The following TG variants were observed in gnomAD, a reference collection of about 807,000 sequenced individuals.
The protein encoded by TG is thyroglobulin, also known as thyroid hormones.
In TG, 270 loss-of-function variants were observed where a neutral mutation model predicts 324.7. That is an observed-to-expected ratio of 0.83 (90% CI 0.75 to 0.92). The LOEUF (loss-of-function observed/expected upper bound fraction) is 0.92. TG is among the 40% of genes least tolerant of loss of function. TG has a pLI of 0.00. For synonymous variants in TG, 1,401 were observed against 1,327.0 expected (o/e 1.06, Z -1.21); for missense variants, 3,591 against 3,456.4 (o/e 1.04, Z -0.98).
At chr8:132,964,611 C>T (rs1271691831) in intron 29 of TG, 10 of 380,448 alleles carry the variant, frequency 2.6e-5, no homozygotes, top group African/African-American at 1.7e-4. Flanking sequence ...GGTCTCATTG[C>T]TTTTAAGGAG....
chr8:133,078,471 T>C (rs1041973128), intron 41 of TG, among the ~76,000 whole-genome samples: 1 of 152,230 alleles, frequency 6.6e-6, no homozygotes, highest in Non-Finnish European at 1.5e-5. Context: ...TTTTCCATAC[T>C]GTTCCTCAGT....
rs1398066866 is a variant in TG, at chr8:132,881,836, G to A, written c.639-27G>A. ...TTGTGATGACTTGCCTTTATGAATG[G>A]TGACCGTAAATCTCATTCTCTCCAA... On this transcript the variant is annotated intron_variant, in intron 5 of 47. Transcript: ENST00000220616. The A allele has an allele frequency of 8.6e-6, 13 of 1,510,026 alleles. No homozygotes were observed. The Admixed American group carries it at 1.2e-4, about 14-fold the overall frequency. The allele number at this position is 1,510,026 out of a possible 1,614,324, so 93.5% of individuals were successfully genotyped here.
intron 41 of TG, among the ~76,000 whole-genome samples, chr8:133,077,444 G>A (rs7827937): frequency 0.2 from 30,575 of 152,074 alleles, 3,391 homozygotes; most frequent in Non-Finnish European, 0.25. Context: ...CCCCCAGCCC[G>A]GGGTGTTTAT....
At chr8:132,871,259 C>T (rs1839455862) in intron 3 of TG, 89 bp from the exon 4 acceptor site, 1 of 1,392,558 alleles carries the variant, frequency 7.2e-7, no homozygotes. Context: ...CAGCTGTGTC[C>T]CCTTGGGAAG....
intron 11 of TG, among the ~76,000 whole-genome samples, chr8:132,895,268 C>T (rs1263426210): frequency 6.6e-6 from 1 of 152,252 alleles, no homozygotes; most frequent in Non-Finnish European, 1.5e-5. Flanking sequence ...AACAGCAAGA[C>T]AGTCCTCCCC....
At chr8:133,124,443 A>G (rs1851371447) in intron 45 of TG, among the ~76,000 whole-genome samples, 1 of 152,208 alleles carries the variant, frequency 6.6e-6, no homozygotes, top group Admixed American at 6.5e-5. Context: ...TTTGGCAGAG[A>G]CAGCCCAATC....
chr8:133,043,646 G>T (rs191159238), intron 41 of TG, among the ~76,000 whole-genome samples: 30 of 152,246 alleles, frequency 2.0e-4, no homozygotes, highest in African/African-American at 6.3e-4. Context: ...GCCTCACAAG[G>T]TGCAAATCTG....
In TG at chr8:132,986,564, C is replaced by T. The variant is rs78338696; in HGVS notation, c.6262+3152C>T. 7.3e-3 allele frequency among the ~76,000 whole-genome samples: 1,110 copies of T among 152,156 alleles called. 16 individuals carry two copies. The highest frequency in any genetic ancestry group is 0.026 in the African/African-American group (1,063 of 41,498). Reference sequence around the variant, plus strand: ...CTAGTGATGAACAACAAATGAGCAACAATATTGTTAACAGAGATAGCTGTC... The same window carrying T: ...CTAGTGATGAACAACAAATGAGCAATAATATTGTTAACAGAGATAGCTGTC... On this transcript the variant is annotated intron_variant, in intron 35 of 47. Transcript: ENST00000220616.
intron 41 of TG, among the ~76,000 whole-genome samples, chr8:133,059,906 C>A (rs1321880288): frequency 6.6e-6 from 1 of 152,194 alleles, no homozygotes; most frequent in Non-Finnish European, 1.5e-5. Context: ...TTCAGGTGCG[C>A]CGAGCACCCA....
At chr8:133,049,727 G>A (rs1262061220) in intron 41 of TG, 6 of 608,658 alleles carry the variant, frequency 9.9e-6, no homozygotes, top group African/African-American at 7.4e-5. Context: ...GAGAGCAGAA[G>A]AGATAAGTTA....
intron 32 of TG, among the ~76,000 whole-genome samples, chr8:132,969,910 C>CA (rs11335158): frequency 0.012 from 696 of 57,646 alleles, 6 homozygotes; most frequent in East Asian, 0.038. Flanking sequence ...GAGACTCTGT[C>CA]AAAAAAAAAA....
At chr8:133,059,749 T>A (rs1256575459) in intron 41 of TG, among the ~76,000 whole-genome samples, 1 of 152,204 alleles carries the variant, frequency 6.6e-6, no homozygotes, top group Non-Finnish European at 1.5e-5. Flanking sequence ...CAGAATTGGA[T>A]GGGCCTGGAT....
chr8:133,032,372 C>G (rs554961378), intron 41 of TG, among the ~76,000 whole-genome samples: 1 of 152,272 alleles, frequency 6.6e-6, no homozygotes, highest in Admixed American at 6.5e-5. Flanking sequence ...AGAGATTTCT[C>G]CAGGGCCCTT....
intron 11 of TG, among the ~76,000 whole-genome samples, chr8:132,896,742 G>A (rs1202782654): frequency 6.6e-6 from 1 of 152,006 alleles, no homozygotes; most frequent in African/African-American, 2.4e-5. Context: ...TTTCTTGAGT[G>A]CCTACTATGA....
chr8:132,991,852 C>T (rs1460417800), intron 35 of TG, among the ~76,000 whole-genome samples: 2 of 151,970 alleles, frequency 1.3e-5, no homozygotes. Flanking sequence ...TCTGGCAGCC[C>T]CCTGGACCTC....
chr8:133,133,644 T>A lies in TG; in HGVS notation c.8172T>A (p.Ser2724=), dbSNP rs1291848237. The A allele has an allele frequency of 6.2e-7, 1 of 1,613,922 alleles. No homozygotes were observed. ...CCTTCTGGTCCAAGTACATCTCGTC[T>A]CTGAAGACATCTGCAGGTAGCAAAG... The part of the protein sequence containing the change: ...DCSFWSKYIS[S]LKTSADGAKG... Residue 2724 remains serine (S), a synonymous_variant, in exon 47 of 48, where the codon TCT becomes TCA. Coordinates refer to ENST00000220616, the MANE Select transcript of TG (RefSeq NM_003235.5).
At chr8:132,901,977 GT>G in intron 16 of TG, among the ~76,000 whole-genome samples, 1 of 152,082 alleles carries the variant, frequency 6.6e-6, no homozygotes, top group Non-Finnish European at 1.5e-5. Context: ...TTTAGTGAAT[GT>G]CAAATATTGA....
In TG at chr8:132,868,240, C is replaced by T; in HGVS notation, c.176+17C>T. 1 of 1,610,054 alleles carries T rather than the reference C, an allele frequency of 6.2e-7. No individual in the cohort carries two copies. Among genetic ancestry groups the T allele is most frequent in the Non-Finnish European group, 8.5e-7 (1 of 1,176,774 alleles). ...CAGCTTCCAGTAAGGCTTATGTCAG[C>T]AGCGAACTCTCAAGGTCCAAGATGC... On this transcript the variant is annotated intron_variant, in intron 2 of 47. Coordinates refer to ENST00000220616, the MANE Select transcript of TG (RefSeq NM_003235.5).
intron 26 of TG, among the ~76,000 whole-genome samples, chr8:132,945,743 G>C (rs2130010185): frequency 6.6e-6 from 1 of 152,246 alleles, no homozygotes; most frequent in Middle Eastern, 3.4e-3. Context: ...CAGCCAGAGG[G>C]GGAGAAGGAG....
Sources: gnomAD v4.1 joint callset for allele counts (sites outside exome capture counted in the v4.1 genomes callset) on GRCh38, gnomAD v4.1.1 for gene constraint, MANE v1.5 for transcripts, NCBI Gene and HGNC (gene_info 2026-07-23, HGNC 2026-07-21) for gene names.